ARMH4: variants seen among roughly 807,000 people sequenced by gnomAD.
ARMH4 encodes the protein armadillo-like helical domain-containing protein 4.
A neutral mutation model predicts 61.9 loss-of-function variants in ARMH4; 49 were observed. The ratio of observed to expected loss-of-function variants is 0.79; its 90% CI spans 0.63 to 1.00. The LOEUF is 1.00. ARMH4 is among the 50% of genes least tolerant of loss of function. The pLI is 0.00. For synonymous variants in ARMH4, 368 were observed against 341.5 expected, an observed-to-expected ratio of 1.08 and a Z score of -0.85; for missense variants, 934 against 930.0, an observed-to-expected ratio of 1.00 and a Z score of -0.06.
intron 1 of ARMH4, among the ~76,000 whole-genome samples, chr14:58,142,597 G>A (rs572732953): frequency 1.3e-4 from 20 of 151,794 alleles, no homozygotes; most frequent in Admixed American, 8.5e-4. Flanking sequence ...TCAGCCTCCC[G>A]AGTAGCTGGG....
At chr14:58,051,136 A>G (rs773508367) in intron 5 of ARMH4, among the ~76,000 whole-genome samples, 7 of 151,336 alleles carry the variant, frequency 4.6e-5, no homozygotes, top group Admixed American at 6.6e-5. Context: ...CAAATCTACT[A>G]TTTGTTCTTA....
intron 5 of ARMH4, among the ~76,000 whole-genome samples, chr14:58,038,679 T>C (rs1202985778): frequency 6.6e-6 from 1 of 152,196 alleles, no homozygotes; most frequent in Non-Finnish European, 1.5e-5. Flanking sequence ...AGTGGCCGGT[T>C]TAATAACTAC....
intron 5 of ARMH4, among the ~76,000 whole-genome samples, chr14:58,049,007 G>A (rs1884032994): frequency 6.6e-6 from 1 of 152,120 alleles, no homozygotes; most frequent in Admixed American, 6.5e-5. Context: ...GGAGGCCAAG[G>A]AGGGCGGATC....
Position 58,131,655 on chromosome 14 carries a change from G to A in ARMH4, c.1688C>T (p.Pro563Leu), listed in dbSNP as rs144281427. 3.2e-3 allele frequency: 5,163 copies of A among 1,614,060 alleles called. 11 individuals are homozygous for A. The highest frequency in any genetic ancestry group is 4.0e-3 in the Non-Finnish European group (4,742 of 1,180,008). The change falls in exon 4 of 8, where the codon CCT becomes CTT. Residue 563 changes from proline to leucine, a missense_variant. Coordinates refer to ENST00000267485, the MANE Select transcript of ARMH4 (RefSeq NM_001001872.4). ...GGGTTCCCCCACCATTATTCCAGGA[G>A]GTGTCACTGGAGATCCCAGAACTGG... Reference protein sequence around the residue: ...FTPVLGSPVTPPGIMVGEPSI... With the variant: ...FTPVLGSPVTLPGIMVGEPSI...
intron 1 of ARMH4, among the ~76,000 whole-genome samples, chr14:58,143,851 G>C (rs907190080): frequency 7.0e-5 from 10 of 142,334 alleles, no homozygotes; most frequent in South Asian, 2.2e-4. Flanking sequence ...TCAGCTCACT[G>C]CTCCCTCCAC....
At chr14:58,116,306 T>C (rs72716915) in intron 4 of ARMH4, 6,960 of 193,996 alleles carry the variant, frequency 0.036, 169 homozygotes, top group African/African-American at 0.071. Context: ...ATAAAAAGGC[T>C]TGAGACAAGA....
intron 5 of ARMH4, among the ~76,000 whole-genome samples, chr14:58,026,681 A>G (rs1883031581): frequency 6.6e-6 from 1 of 152,172 alleles, no homozygotes; most frequent in Admixed American, 6.6e-5. Flanking sequence ...CCGAGGCTTT[A>G]GCAACCATAA....
At chr14:58,020,774 A>G (rs1399055958) in intron 5 of ARMH4, among the ~76,000 whole-genome samples, 1 of 152,136 alleles carries the variant, frequency 6.6e-6, no homozygotes, top group African/African-American at 2.4e-5. Context: ...CTTAGGGTGA[A>G]CCTTAAAACT....
intron 5 of ARMH4, among the ~76,000 whole-genome samples, chr14:58,088,910 T>G (rs1221629716): frequency 6.6e-6 from 1 of 152,174 alleles, no homozygotes; most frequent in Non-Finnish European, 1.5e-5. Context: ...TCTTTCTCCA[T>G]CTCCCTACAT....
chr14:58,047,141 C>T (rs768254553), intron 5 of ARMH4, among the ~76,000 whole-genome samples: 1 of 152,170 alleles, frequency 6.6e-6, no homozygotes, highest in Non-Finnish European at 1.5e-5. Flanking sequence ...TCATGGTCAT[C>T]ATTGCATAAT....
chr14:58,057,004 C>A (rs1197004196), intron 5 of ARMH4, among the ~76,000 whole-genome samples: 2 of 152,156 alleles, frequency 1.3e-5, no homozygotes, highest in Non-Finnish European at 2.9e-5. Flanking sequence ...ATCAACAATG[C>A]CCTACTAGGT....
chr14:58,112,286 CT>C (rs375451865), intron 4 of ARMH4, among the ~76,000 whole-genome samples: 3,563 of 133,220 alleles, frequency 0.027, 40 homozygotes, highest in South Asian at 0.038. Flanking sequence ...CTTAATTTTT[CT>C]TTTTTTTTTT....
At chr14:58,059,989 C>T (rs575907175) in intron 5 of ARMH4, among the ~76,000 whole-genome samples, 47 of 152,118 alleles carry the variant, frequency 3.1e-4, no homozygotes, top group Non-Finnish European at 6.3e-4. Context: ...GTTGTCAATA[C>T]GTAGAAAATA....
rs1427378275 is a variant in ARMH4, at chr14:58,040,165, T to A, written c.2090-28015A>T. Among the ~76,000 whole-genome samples, 3 of 152,116 alleles carry A rather than the reference T, an allele frequency of 2.0e-5. No individual in the cohort carries two copies. The East Asian group carries it at 5.8e-4, about 29-fold the overall frequency. ...GGTTCTTAGCACCCTAAATTGATTT[T>A]TTTTTTAACTTTTACTTTGGGTTCA... On this transcript the variant is annotated intron_variant, in intron 5 of 7. Transcript: ENST00000267485.
intron 5 of ARMH4, among the ~76,000 whole-genome samples, chr14:58,068,172 A>G (rs761642797): frequency 6.6e-6 from 1 of 152,330 alleles, no homozygotes; most frequent in South Asian, 2.1e-4. Context: ...TATATCTGCA[A>G]ACTGACTACA....
At chr14:58,107,636 C>T (rs999217817) in intron 4 of ARMH4, among the ~76,000 whole-genome samples, 3 of 151,892 alleles carry the variant, frequency 2.0e-5, no homozygotes, top group African/African-American at 7.3e-5. Context: ...TAGTGGTGCA[C>T]GCCCTTAGTC....
intron 5 of ARMH4, among the ~76,000 whole-genome samples, chr14:58,073,416 A>T (rs990624702): frequency 3.9e-5 from 6 of 152,190 alleles, no homozygotes; most frequent in African/African-American, 1.4e-4. Flanking sequence ...ACTCAAACAT[A>T]TCCCAAGCTG....
intron 4 of ARMH4, among the ~76,000 whole-genome samples, chr14:58,129,378 C>T (rs749842676): frequency 6.6e-6 from 1 of 152,190 alleles, no homozygotes; most frequent in African/African-American, 2.4e-5. Context: ...AAAAGTACCT[C>T]ATTTCCCAGA....
chr14:58,005,534 C>G (rs1401384080), intron 6 of ARMH4, among the ~76,000 whole-genome samples: 1 of 152,100 alleles, frequency 6.6e-6, no homozygotes, highest in Non-Finnish European at 1.5e-5. Flanking sequence ...AATGCCAGGA[C>G]TACTAAAATG....
Sources: allele counts gnomAD v4.1 joint callset (sites outside exome capture counted in the v4.1 genomes callset), GRCh38; gene constraint gnomAD v4.1.1; transcripts MANE v1.5; gene names NCBI Gene and HGNC (gene_info 2026-07-23, HGNC 2026-07-21).